Variants in FARS2 observed in about 807,000 individuals in gnomAD.
FARS2 encodes phenylalanine--tRNA ligase, mitochondrial.
A neutral mutation model predicts 46.4 loss-of-function variants in FARS2; 40 were observed. That is an observed-to-expected ratio of 0.86 (90% confidence interval 0.67 to 1.12). The LOEUF (loss-of-function observed/expected upper bound fraction) is 1.12. Among genes scored for constraint, FARS2 ranks in the 50% most tolerant of loss-of-function variants. The pLI is 0.00. For missense variants in FARS2, 513 were observed against 567.9 expected (o/e 0.90, Z 0.98); for synonymous variants, 234 against 214.9 (o/e 1.09, Z -0.78).
chr6:5,539,396 A>ATATATATATATATATATATATATC (rs1024662143), intron 4 of FARS2, among the ~76,000 whole-genome samples: 1 of 136,492 alleles, frequency 7.3e-6, no homozygotes, highest in Non-Finnish European at 1.5e-5. Context: ...ATATATATAT[A>ATATATATATATATATATATATATC]TATGTATATA....
intron 2 of FARS2, among the ~76,000 whole-genome samples, chr6:5,384,160 GT>G (rs1759972302): frequency 6.6e-6 from 1 of 152,132 alleles, no homozygotes; most frequent in Admixed American, 6.5e-5. Context: ...CATGTAATTT[GT>G]GTGCAGCTTC....
At chr6:5,494,416 A>C (rs1360895939) in intron 4 of FARS2, among the ~76,000 whole-genome samples, 13 of 152,152 alleles carry the variant, frequency 8.5e-5, no homozygotes, top group Admixed American at 5.9e-4. Flanking sequence ...GCGGCTTCAC[A>C]CTGCCTCGCT....
intron 1 of FARS2, among the ~76,000 whole-genome samples, chr6:5,324,996 A>G (rs546265697): frequency 9.2e-5 from 14 of 152,294 alleles, no homozygotes; most frequent in African/African-American, 2.4e-4. Context: ...TTGTACTTCT[A>G]TGTACCTCAT....
At chr6:5,475,140 A>T (rs1466962627) in intron 4 of FARS2, among the ~76,000 whole-genome samples, 2 of 152,168 alleles carry the variant, frequency 1.3e-5, no homozygotes, top group African/African-American at 2.4e-5. Context: ...AGGAGAAATG[A>T]CTTCTCCGTG....
intron 5 of FARS2, among the ~76,000 whole-genome samples, chr6:5,565,279 C>T (rs1772259994): frequency 6.6e-6 from 1 of 152,216 alleles, no homozygotes; most frequent in Non-Finnish European, 1.5e-5. Context: ...AAAAAGGTTA[C>T]TTTCACTTTC....
intron 6 of FARS2, among the ~76,000 whole-genome samples, chr6:5,682,104 G>C (rs958913592): frequency 3.9e-5 from 6 of 152,162 alleles, no homozygotes; most frequent in African/African-American, 1.4e-4. Context: ...GTAACTGAAT[G>C]CCCAAAGGAG....
At chr6:5,484,424 C>T (rs1766655809) in intron 4 of FARS2, among the ~76,000 whole-genome samples, 1 of 152,204 alleles carries the variant, frequency 6.6e-6, no homozygotes, top group Non-Finnish European at 1.5e-5. Flanking sequence ...GGGAATGTTC[C>T]ATATCTGTGC....
chr6:5,639,221 A>C (rs532917689), intron 6 of FARS2, among the ~76,000 whole-genome samples: 48 of 152,328 alleles, frequency 3.2e-4, no homozygotes, highest in Non-Finnish European at 5.6e-4. Context: ...CACATATTTC[A>C]AAGCAAGGTA....
intron 5 of FARS2, among the ~76,000 whole-genome samples, chr6:5,566,337 A>G (rs1772321719): frequency 6.6e-6 from 1 of 151,970 alleles, no homozygotes; most frequent in Non-Finnish European, 1.5e-5. Context: ...CCTAGTTATT[A>G]CACACCAAAA....
chr6:5,703,070 T>C (rs908203115), intron 6 of FARS2, among the ~76,000 whole-genome samples: 37 of 152,200 alleles, frequency 2.4e-4, no homozygotes, highest in Admixed American at 1.7e-3. Context: ...AAAACTTCCA[T>C]AGGTAAAACT....
At position 5,546,530 on chromosome 6, in the gene FARS2, G is replaced by T. The variant is rs529229557; in HGVS notation, c.1065+1190G>T. Among the ~76,000 whole-genome samples, 6 of 151,728 alleles carry T rather than the reference G, an allele frequency of 4.0e-5. No individual in the cohort carries two copies. In the South Asian group the frequency reaches 1.3e-3, roughly 32 times the overall value. On this transcript the variant is annotated intron_variant, in intron 5 of 6. Transcript: ENST00000274680. ...CTCCCGAAGTGCTGGGATTACAGGA[G>T]TGAGCCACTGCGCCCAGCCCTCATC...
At chr6:5,403,654 C>T (rs902319042) in intron 2 of FARS2, among the ~76,000 whole-genome samples, 2 of 151,942 alleles carry the variant, frequency 1.3e-5, no homozygotes, top group African/African-American at 4.8e-5. Context: ...AAGTTTGGTT[C>T]TAATTATCAA....
intron 6 of FARS2, among the ~76,000 whole-genome samples, chr6:5,768,901 A>G (rs573306207): frequency 6.6e-6 from 1 of 152,116 alleles, no homozygotes; most frequent in Non-Finnish European, 1.5e-5. Flanking sequence ...ATGACTTGCA[A>G]ATATCTTCTC....
At chr6:5,626,928 A>G (rs1463562052) in intron 6 of FARS2, among the ~76,000 whole-genome samples, 1 of 152,254 alleles carries the variant, frequency 6.6e-6, no homozygotes, top group Non-Finnish European at 1.5e-5. Context: ...CTTCTAGGCC[A>G]CAAACCTGCA....
Position 5,765,975 on chromosome 6 carries a change from ACT to A in FARS2, c.1218-5313_1218-5312del, listed in dbSNP as rs1449205672. 2.0e-5 allele frequency among the ~76,000 whole-genome samples: 3 copies of A among 151,880 alleles called. No individual in the cohort carries two copies. The highest frequency in any genetic ancestry group is 7.3e-5 in the African/African-American group (3 of 41,314). ...TACCAAAATCTTTAAAAAAAATCAA[ACT>A]CTATCCAGTGACCAACTCATTTTAG... On this transcript the variant is annotated intron_variant, in intron 6 of 6. Transcript: ENST00000274680. This position sits in a 1 kb window ranked among gnomAD's most constrained non-coding sequence, Gnocchi z 4.0.
intron 5 of FARS2, among the ~76,000 whole-genome samples, chr6:5,559,796 C>T (rs938066671): frequency 2.6e-5 from 4 of 152,118 alleles, no homozygotes; most frequent in African/African-American, 9.7e-5. Context: ...AGGATCAACA[C>T]AAAGGCCCAT....
chr6:5,381,430 A>AT (rs1297687197), intron 2 of FARS2, among the ~76,000 whole-genome samples: 25 of 145,342 alleles, frequency 1.7e-4, no homozygotes, highest in Admixed American at 3.5e-4. Context: ...CAGATGCAGA[A>AT]TTTTTTATAT....
chr6:5,543,797 A>T (rs6926945), intron 4 of FARS2, among the ~76,000 whole-genome samples: 136,771 of 152,084 alleles, frequency 0.9, 61,622 homozygotes, highest in East Asian at 0.99. Flanking sequence ...ATCCCGTCCC[A>T]TTGCTACTGA....
intron 4 of FARS2, among the ~76,000 whole-genome samples, chr6:5,462,478 T>G (rs1324173989): frequency 6.6e-6 from 1 of 152,210 alleles, no homozygotes; most frequent in East Asian, 1.9e-4. Flanking sequence ...GTCACATAGA[T>G]TCTCCCATAT....
Sources: allele counts gnomAD v4.1 joint callset (sites outside exome capture counted in the v4.1 genomes callset), GRCh38; gene constraint gnomAD v4.1.1; non-coding constraint Gnocchi (gnomAD v3.1); transcripts MANE v1.5; gene names NCBI Gene and HGNC (gene_info 2026-07-23, HGNC 2026-07-21).